Variants in LRRC38 observed in about 807,000 individuals in gnomAD.
LRRC38 encodes the protein leucine-rich repeat-containing protein 38.
Under a neutral mutation model 16.4 loss-of-function variants are expected in LRRC38, and 5 were observed. The observed-to-expected ratio is 0.31, with a 90% CI of 0.16 to 0.64. LRRC38 has a LOEUF of 0.64. Among genes scored for constraint, LRRC38 ranks in the 30% least tolerant of loss-of-function variants. LRRC38 has a pLI of 0.80. For missense variants in LRRC38, 341 were observed against 401.8 expected (o/e 0.85, Z 1.29); for synonymous variants, 191 against 190.2 (o/e 1.00, Z -0.04).
At position 13,513,697 on chromosome 1, in the gene LRRC38, CAGAGGGCGGCCCGGGCGG is replaced by C; in HGVS notation, c.-122_-105del. ...GCACTGGCTGCCGGGCGCGGGGAGCCAGAGGGCGGCCCGGGCGGGGAGGGCGTGCGCCCGGGCGTGCGG... is the reference window on the plus strand; with the variant it reads ...GCACTGGCTGCCGGGCGCGGGGAGCCGGAGGGCGTGCGCCCGGGCGTGCGG... On this transcript the variant is annotated 5_prime_UTR_variant, in exon 1 of 2. Transcript: ENST00000376085. The C allele has an allele frequency of 1.3e-6, 1 of 763,210 alleles. No homozygotes were observed. The highest frequency in any genetic ancestry group is 1.6e-6 in the Non-Finnish European group (1 of 623,712). 47.3% of individuals were successfully genotyped at this position (763,210 alleles called of 1,614,324 possible). A position where few individuals can be genotyped will look rare whatever the true frequency, so the allele number is the denominator to read the frequency against.
intron 1 of LRRC38, among the ~76,000 whole-genome samples, chr1:13,479,677 G>A (rs1638828283): frequency 6.6e-6 from 1 of 152,216 alleles, no homozygotes; most frequent in South Asian, 2.1e-4. Flanking sequence ...GGGCTTTCAT[G>A]ATAAGATCCA....
intron 1 of LRRC38, among the ~76,000 whole-genome samples, chr1:13,488,257 C>G (rs1022812236): frequency 6.8e-6 from 1 of 147,250 alleles, no homozygotes; most frequent in African/African-American, 2.6e-5. Flanking sequence ...CTATGAACAG[C>G]CTTGCACACT....
chr1:13,507,987 C>A (rs1487254133), intron 1 of LRRC38, among the ~76,000 whole-genome samples: 1 of 152,096 alleles, frequency 6.6e-6, no homozygotes, highest in Non-Finnish European at 1.5e-5. Context: ...GTAATACCAG[C>A]ACACTTTGGG....
At chr1:13,502,928 GA>G (rs1639167656) in intron 1 of LRRC38, among the ~76,000 whole-genome samples, 1 of 152,140 alleles carries the variant, frequency 6.6e-6, no homozygotes, top group South Asian at 2.1e-4. Flanking sequence ...GGGGTCTTAC[GA>G]AAAAGCAATG....
At chr1:13,494,710 G>A (rs188426773) in intron 1 of LRRC38, among the ~76,000 whole-genome samples, 1 of 152,192 alleles carries the variant, frequency 6.6e-6, no homozygotes, top group Non-Finnish European at 1.5e-5. Flanking sequence ...GAACTGGGGG[G>A]CTTGGCTCTT....
At chr1:13,502,730 G>A (rs533277986) in intron 1 of LRRC38, among the ~76,000 whole-genome samples, 14 of 152,166 alleles carry the variant, frequency 9.2e-5, no homozygotes, top group African/African-American at 1.9e-4. Flanking sequence ...CGATCCTCTC[G>A]ACAAACCTCA....
At chr1:13,481,886 A>G (rs1486661192) in intron 1 of LRRC38, among the ~76,000 whole-genome samples, 1 of 151,874 alleles carries the variant, frequency 6.6e-6, no homozygotes, top group Non-Finnish European at 1.5e-5. Flanking sequence ...AGCCCTCTCC[A>G]GAACCCAGCC....
chr1:13,503,222 T>C (rs1639170991), intron 1 of LRRC38, among the ~76,000 whole-genome samples: 1 of 152,224 alleles, frequency 6.6e-6, no homozygotes. Flanking sequence ...GAACATGTTT[T>C]GGAGTTCAGC....
At chr1:13,490,261 C>T (rs991068114) in intron 1 of LRRC38, among the ~76,000 whole-genome samples, 3 of 152,018 alleles carry the variant, frequency 2.0e-5, no homozygotes, top group African/African-American at 4.8e-5. Flanking sequence ...CGGGTTCAAG[C>T]GATTCTCCTG....
intron 1 of LRRC38, among the ~76,000 whole-genome samples, chr1:13,489,513 C>T (rs1310191364): frequency 6.6e-6 from 1 of 151,708 alleles, no homozygotes; most frequent in African/African-American, 2.4e-5. Flanking sequence ...GGAGTCTGGA[C>T]TGGAACCCAG....
In LRRC38 at chr1:13,476,102, G is replaced by A. The variant is rs761953472; in HGVS notation, c.632-3C>T. The A allele has an allele frequency of 1.3e-6, 2 of 1,550,096 alleles. No homozygotes were observed. The highest frequency in any genetic ancestry group is 4.9e-5 in the East Asian group (2 of 40,908). On this transcript the variant is annotated splice_polypyrimidine_tract_variant and splice_region_variant and intron_variant, in intron 1 of 1. Transcript: ENST00000376085. ...GGAGCACTGGATTTCATCAAGGCCT[G>A]AGAAAAGGCAGGCAGAGGAGAGAGA...
chr1:13,482,716 G>A (rs1638884776), intron 1 of LRRC38, among the ~76,000 whole-genome samples: 1 of 152,090 alleles, frequency 6.6e-6, no homozygotes, highest in Non-Finnish European at 1.5e-5. Flanking sequence ...GTGACCATGG[G>A]ATCCCTGCAA....
chr1:13,508,849 CCCTCACAGTGT>C (rs1179040484), intron 1 of LRRC38, among the ~76,000 whole-genome samples: 1 of 152,150 alleles, frequency 6.6e-6, no homozygotes, highest in African/African-American at 2.4e-5. Context: ...CCAAACCAGG[CCCTCACAGTGT>C]CTGACATCAG....
intron 1 of LRRC38, among the ~76,000 whole-genome samples, chr1:13,505,159 T>C (rs1451376391): frequency 1.3e-5 from 2 of 152,224 alleles, no homozygotes; most frequent in Non-Finnish European, 2.9e-5. Context: ...TCCTGAACTC[T>C]GTCCATCAGC....
At chr1:13,481,820 T>TCC (rs1157564790) in intron 1 of LRRC38, among the ~76,000 whole-genome samples, 2 of 145,122 alleles carry the variant, frequency 1.4e-5, no homozygotes, top group Non-Finnish European at 3.0e-5. Context: ...TCTCTCTCTC[T>TCC]CTCTCTGCCA....
chr1:13,498,477 A>G (rs1409088436), intron 1 of LRRC38, among the ~76,000 whole-genome samples: 1 of 152,034 alleles, frequency 6.6e-6, no homozygotes, highest in East Asian at 1.9e-4. Flanking sequence ...CTAAAAATAC[A>G]AAAATTACCC....
chr1:13,481,508 C>T (rs1046028903), intron 1 of LRRC38, among the ~76,000 whole-genome samples: 5 of 151,924 alleles, frequency 3.3e-5, no homozygotes, highest in Admixed American at 2.6e-4. Flanking sequence ...TCTCCTTCCT[C>T]AGCCTCCAGA....
chr1:13,478,346 C>T (rs1362701423), intron 1 of LRRC38, among the ~76,000 whole-genome samples: 1 of 152,122 alleles, frequency 6.6e-6, no homozygotes, highest in African/African-American at 2.4e-5. Flanking sequence ...GTTATTATGC[C>T]CATTTCATGG....
intron 1 of LRRC38, among the ~76,000 whole-genome samples, chr1:13,506,135 C>A (rs1435327735): frequency 1.3e-5 from 2 of 152,094 alleles, no homozygotes; most frequent in African/African-American, 4.8e-5. Flanking sequence ...CCCACGAGAT[C>A]GCACAGGATG....
Sources: allele counts gnomAD v4.1 joint callset (sites outside exome capture counted in the v4.1 genomes callset), GRCh38; gene constraint gnomAD v4.1.1; transcripts MANE v1.5; gene names NCBI Gene and HGNC (gene_info 2026-07-23, HGNC 2026-07-21).